FAM178B: variants seen among roughly 807,000 people sequenced by gnomAD.
FAM178B encodes protein FAM178B.
FAM178B carries 82 observed loss-of-function variants against 91.7 expected under a neutral mutation model. The ratio of observed to expected loss-of-function variants is 0.89; its 90% confidence interval spans 0.75 to 1.07. FAM178B has a LOEUF of 1.07. FAM178B is among the 50% of genes least tolerant of loss of function. The pLI is 0.00. For missense variants in FAM178B, 769 were observed against 846.7 expected (o/e 0.91, Z 1.14); for synonymous variants, 368 against 359.4 (o/e 1.02, Z -0.27).
rs1300789093 is a variant in FAM178B at position 96,921,590 on chromosome 2, A to G, written c.1352T>C (p.Ile451Thr). 4 of 1,551,698 alleles carry G rather than the reference A, an allele frequency of 2.6e-6. No individual in the cohort carries two copies. Among genetic ancestry groups the G allele is most frequent in the Non-Finnish European group, 2.6e-6 (3 of 1,146,984 alleles). The change falls in exon 11 of 17, where the codon ATT becomes ACT. Residue 451 changes from isoleucine to threonine, a missense_variant. Physicochemically the swap from Ile to Thr is moderately conservative, Grantham distance 89. Transcript: ENST00000490605. ...AYTDENLMGL[I>T]ELLCRTSLDV... The stretch of plus-strand genomic sequence containing the variant: ...CAGGCTGGTGCGGCACAGCAGCTCA[A>G]TCAGTCCCATGAGGTTCTCATCAGT...
At chr2:96,905,824 A>ATG (rs1559063858) in intron 12 of FAM178B, among the ~76,000 whole-genome samples, 2 of 17,470 alleles carry the variant, frequency 1.1e-4, no homozygotes, top group Non-Finnish European at 2.4e-4. Flanking sequence ...GTGTGTATAT[A>ATG]TATATATATA....
intron 8 of FAM178B, among the ~76,000 whole-genome samples, chr2:96,937,697 A>G (rs1385888677): frequency 2.0e-5 from 3 of 152,192 alleles, no homozygotes; most frequent in Non-Finnish European, 4.4e-5. Context: ...GGGGAGCTGC[A>G]GCCATCCTCT....
At chr2:96,891,595 G>T (rs1359031443) in intron 14 of FAM178B, among the ~76,000 whole-genome samples, 1 of 152,206 alleles carries the variant, frequency 6.6e-6, no homozygotes, top group Non-Finnish European at 1.5e-5. Context: ...CTGGACAGGG[G>T]GCAAGCAAAG....
chr2:96,931,846 T>C (rs1035059177), intron 8 of FAM178B, among the ~76,000 whole-genome samples: 5 of 151,700 alleles, frequency 3.3e-5, no homozygotes, highest in African/African-American at 4.8e-5. Flanking sequence ...AAAAACTTTC[T>C]TGTTTGTTTG....
At chr2:96,909,451 T>C (rs1202766698) in intron 12 of FAM178B, among the ~76,000 whole-genome samples, 1 of 152,196 alleles carries the variant, frequency 6.6e-6, no homozygotes, top group African/African-American at 2.4e-5. Flanking sequence ...TGGAAGAAGT[T>C]GCCACATTCC....
chr2:96,971,868 A>G, intron 3 of FAM178B, 33 bp downstream of exon 3: 4 of 1,446,856 alleles, frequency 2.8e-6, no homozygotes, highest in Non-Finnish European at 3.6e-6. Flanking sequence ...TGGGTAGCCA[A>G]GGAGAAGAGG....
intron 8 of FAM178B, among the ~76,000 whole-genome samples, chr2:96,931,908 G>A (rs1273179530): frequency 6.6e-6 from 1 of 150,758 alleles, no homozygotes; most frequent in Non-Finnish European, 1.5e-5. Context: ...GAGTGGTAAT[G>A]ATACCCCTTA....
Position 96,961,312 on chromosome 2 carries a change from G to GGTGTGTGTGTGT in FAM178B, c.735-884_735-873dup, listed in dbSNP as rs70964889. Among the ~76,000 whole-genome samples the GGTGTGTGTGTGT allele has an allele frequency of 3.1e-4, 46 of 146,842 alleles. No individual in the cohort carries two copies. In the East Asian group the frequency reaches 3.7e-3, roughly 12 times the overall value. On this transcript the variant is annotated intron_variant, in intron 5 of 16. Coordinates refer to ENST00000490605, the MANE Select transcript of FAM178B (RefSeq NM_001122646.3). ...TTCTTGGGTGAAAACAGCAGCAGAG[G>GGTGTGTGTGTGT]GTGTGTGTGTGTGTGTGTGTGTGTG...
At chr2:96,910,616 G>A (rs1034636955) in intron 12 of FAM178B, among the ~76,000 whole-genome samples, 3 of 151,446 alleles carry the variant, frequency 2.0e-5, no homozygotes, top group African/African-American at 4.9e-5. Flanking sequence ...GGTCCACGCC[G>A]TTTGTCCGGC....
chr2:96,983,023 C>T (rs1171295775), intron 1 of FAM178B, among the ~76,000 whole-genome samples: 1 of 151,024 alleles, frequency 6.6e-6, no homozygotes, highest in Non-Finnish European at 1.5e-5. Flanking sequence ...GGACTGCAGG[C>T]ACACACCACC....
intron 12 of FAM178B, among the ~76,000 whole-genome samples, chr2:96,912,614 C>T (rs1421883756): frequency 6.6e-6 from 1 of 152,174 alleles, no homozygotes; most frequent in Non-Finnish European, 1.5e-5. Flanking sequence ...TCCTCAGCTC[C>T]TGGCCCTTTA....
intron 12 of FAM178B, among the ~76,000 whole-genome samples, chr2:96,903,705 CAG>C (rs2080978513): frequency 6.6e-6 from 1 of 152,212 alleles, no homozygotes; most frequent in African/African-American, 2.4e-5. Context: ...TGAGAATGCC[CAG>C]AGACAGCTGT....
intron 8 of FAM178B, among the ~76,000 whole-genome samples, chr2:96,942,013 A>G (rs2081740775): frequency 6.6e-6 from 1 of 152,244 alleles, no homozygotes; most frequent in South Asian, 2.1e-4. Context: ...CACAGCTAAT[A>G]AACAAGTTCA....
chr2:96,943,277 C>T lies in FAM178B; in HGVS notation c.1078+4541G>A, dbSNP rs1322578961. 2.0e-5 allele frequency among the ~76,000 whole-genome samples: 3 copies of T among 152,192 alleles called. No individual in the cohort carries two copies. In the East Asian group the frequency reaches 5.8e-4, roughly 29 times the overall value. ...GACCTCTTACCCATCAGCAGTCACT[C>T]CCCATTCCTTCTTCCCCTATCTCCT... On this transcript the variant is annotated intron_variant, in intron 8 of 16. Transcript: ENST00000490605.
chr2:96,970,860 C>T (rs2082208101), intron 3 of FAM178B, 83 bp from the exon 4 acceptor site: 2 of 978,392 alleles, frequency 2.0e-6, no homozygotes, highest in South Asian at 1.5e-5. Flanking sequence ...AAATTAAGCC[C>T]TTTATTTATT....
chr2:96,894,125 C>T, intron 13 of FAM178B, 74 bp from the exon 14 acceptor site: 1 of 1,521,422 alleles, frequency 6.6e-7, no homozygotes. Context: ...GGGAATCGGC[C>T]TGGACACCTC....
intron 9 of FAM178B, among the ~76,000 whole-genome samples, chr2:96,928,376 T>C (rs910535056): frequency 1.1e-4 from 16 of 152,268 alleles, no homozygotes; most frequent in African/African-American, 3.9e-4. Context: ...TAAGTCGCCA[T>C]CCGCCCACCA....
chr2:96,920,402 C>T (rs2081315177), intron 12 of FAM178B, among the ~76,000 whole-genome samples: 1 of 152,136 alleles, frequency 6.6e-6, no homozygotes, highest in African/African-American at 2.4e-5. Context: ...GAGATTGAGA[C>T]CATCCTGGCT....
At chr2:96,960,552 G>T in intron 5 of FAM178B, 112 bp from the exon 6 acceptor site, 1 of 1,298,850 alleles carries the variant, frequency 7.7e-7, no homozygotes, top group Non-Finnish European at 1.0e-6. Context: ...CTGCCTTGCA[G>T]TCCTTGCGGC....
Sources: allele counts gnomAD v4.1 joint callset (sites outside exome capture counted in the v4.1 genomes callset), GRCh38; gene constraint gnomAD v4.1.1; transcripts MANE v1.5; gene names NCBI Gene and HGNC (gene_info 2026-07-23, HGNC 2026-07-21).